The following SNW1 variants were observed in gnomAD, a reference collection of about 807,000 sequenced individuals.
The protein encoded by SNW1 is SNW domain-containing protein 1.
In SNW1, 9 loss-of-function variants were observed where a neutral mutation model predicts 75.6. The observed-to-expected ratio is 0.12, with a 90% confidence interval of 0.07 to 0.21. The LOEUF is 0.21. Among genes scored for constraint, SNW1 ranks in the 10% least tolerant of loss-of-function variants. The pLI is 1.00. For synonymous variants in SNW1, 200 were observed against 219.1 expected (o/e 0.91, Z 0.77); for missense variants, 409 against 670.9 (o/e 0.61, Z 4.31).
At position 77,723,040 on chromosome 14, in the gene SNW1, G is replaced by T. The variant is rs2080555706; in HGVS notation, c.1130+141C>A. 4.5e-6 allele frequency: 3 copies of T among 672,246 alleles called. No individual in the cohort carries two copies. The Admixed American group carries it at 6.6e-5, about 15-fold the overall frequency. 41.6% of individuals were successfully genotyped at this position (672,246 alleles called of 1,614,324 possible). A position where few individuals can be genotyped will look rare whatever the true frequency, so the allele number is the denominator to read the frequency against. ...TTTTTTGTACTTTTAGTAGACACAG[G>T]GTTTCATCGTGTTAGCCAGGATGGT... On this transcript the variant is annotated intron_variant, in intron 11 of 13. Coordinates refer to ENST00000261531, the MANE Select transcript of SNW1 (RefSeq NM_012245.3).
At chr14:77,730,727 A>G in intron 10 of SNW1, 1 of 333,832 alleles carries the variant, frequency 3.0e-6, no homozygotes, top group Non-Finnish European at 5.4e-6. Flanking sequence ...TCATTTGAGT[A>G]ATAATGCAAT....
rs565631331 is a variant in SNW1 at position 77,717,701 on chromosome 14, T to G, written c.*387A>C. The G allele has an allele frequency of 4.1e-6, 3 of 725,742 alleles. No homozygotes were observed. Among genetic ancestry groups the G allele is most frequent in the South Asian group, 1.8e-5 (1 of 54,890 alleles). The allele number at this position is 725,742 out of a possible 1,614,324, so 45.0% of individuals were successfully genotyped here. A position where few individuals can be genotyped will look rare whatever the true frequency, so the allele number is the denominator to read the frequency against. On this transcript the variant is annotated 3_prime_UTR_variant, in exon 14 of 14. Transcript: ENST00000261531. ...GAGCACAATAGGGGCAAAATTTATT[T>G]GGCAGGACAGTTCCAGTATGTGAAC...
chr14:77,760,948 C>G (rs2139942511), intron 1 of SNW1, 166 bp downstream of exon 1: 9 of 1,504,264 alleles, frequency 6.0e-6, no homozygotes, highest in Non-Finnish European at 8.3e-6. Flanking sequence ...CCAGCTTCGA[C>G]TAGGCCTAGT....
Position 77,718,355 on chromosome 14 carries a change from A to G in SNW1, c.1412+12T>C. 2 of 1,614,244 alleles carry G rather than the reference A, an allele frequency of 1.2e-6. No homozygotes were observed. The highest frequency in any genetic ancestry group is 1.7e-6 in the Non-Finnish European group (2 of 1,180,048). The stretch of plus-strand genomic sequence containing the variant: ...AGTGTAAACACTGAAATTGAGTTGT[A>G]TGGCTTGGCACCTGTTGGTCTTTAT... On this transcript the variant is annotated intron_variant, in intron 13 of 13. Coordinates refer to ENST00000261531, the MANE Select transcript of SNW1 (RefSeq NM_012245.3).
intron 3 of SNW1, among the ~76,000 whole-genome samples, chr14:77,747,327 C>G (rs1025148382): frequency 6.6e-6 from 1 of 152,186 alleles, no homozygotes; most frequent in Non-Finnish European, 1.5e-5. Context: ...GCAGCCTCTG[C>G]CCGGCCGCCA....
chr14:77,750,453 A>G (rs960791009), intron 3 of SNW1, among the ~76,000 whole-genome samples: 1 of 152,112 alleles, frequency 6.6e-6, no homozygotes, highest in Admixed American at 6.6e-5. Context: ...GGAGATATAA[A>G]TCTGCATGAT....
intron 10 of SNW1, among the ~76,000 whole-genome samples, chr14:77,726,830 T>G (rs1189177180): frequency 6.6e-6 from 1 of 151,900 alleles, no homozygotes; most frequent in Non-Finnish European, 1.5e-5. Context: ...AAAAAAACCT[T>G]TATTCCTAGG....
intron 7 of SNW1, 56 bp from the exon 8 acceptor site, chr14:77,735,068 C>A: frequency 7.8e-7 from 1 of 1,283,664 alleles, no homozygotes; most frequent in Non-Finnish European, 1.1e-6. Flanking sequence ...CAAAGTAAAT[C>A]TAAGTATAAT....
At chr14:77,756,688 G>A (rs1383021467) in intron 1 of SNW1, among the ~76,000 whole-genome samples, 1 of 152,002 alleles carries the variant, frequency 6.6e-6, no homozygotes, top group Non-Finnish European at 1.5e-5. Context: ...GATCAAGACC[G>A]GCCTGATCAA....
At chr14:77,738,662 T>C (rs1270872723) in intron 5 of SNW1, 116 bp downstream of exon 5, 1 of 711,812 alleles carries the variant, frequency 1.4e-6, no homozygotes, top group Admixed American at 2.7e-5. Flanking sequence ...CTTTGAGTCA[T>C]TATTGAAAAC....
chr14:77,739,748 T>C (rs898346939), intron 3 of SNW1, among the ~76,000 whole-genome samples: 2 of 152,190 alleles, frequency 1.3e-5, no homozygotes, highest in African/African-American at 4.8e-5. Context: ...TGTGGTAGGC[T>C]CTTAACAAAT....
chr14:77,751,597 C>T, intron 2 of SNW1, 117 bp from the exon 3 acceptor site: 1 of 715,644 alleles, frequency 1.4e-6, no homozygotes, highest in Non-Finnish European at 2.1e-6. Context: ...AGAGATACAG[C>T]AGAGTTCCCT....
intron 10 of SNW1, among the ~76,000 whole-genome samples, chr14:77,730,336 A>C (rs2080618513): frequency 6.6e-6 from 1 of 152,086 alleles, no homozygotes. Context: ...CCATCCCCCT[A>C]CCCACTGTCT....
chr14:77,718,798 G>A lies in SNW1; in HGVS notation c.1249-268C>T, dbSNP rs187427999. Among the ~76,000 whole-genome samples, 249 of 149,300 alleles carry A rather than the reference G, an allele frequency of 1.7e-3. 1 individual carries two copies. The highest frequency in any genetic ancestry group is 5.7e-3 in the African/African-American group (229 of 40,446). ...GTGATCTTGGCTCACTGCAGCCACC[G>A]CCTCCCAGTTCCAGTGATCCTCCTG... is the stretch of plus-strand genomic sequence containing the variant. On this transcript the variant is annotated intron_variant, in intron 12 of 13. Coordinates refer to ENST00000261531, the MANE Select transcript of SNW1 (RefSeq NM_012245.3).
chr14:77,757,729 T>C (rs1477825416), intron 1 of SNW1, among the ~76,000 whole-genome samples: 1 of 152,222 alleles, frequency 6.6e-6, no homozygotes, highest in Non-Finnish European at 1.5e-5. Flanking sequence ...CGCCTTATGC[T>C]TCTTTCATCC....
intron 3 of SNW1, among the ~76,000 whole-genome samples, chr14:77,750,954 G>A (rs1311430885): frequency 6.6e-6 from 1 of 152,180 alleles, no homozygotes; most frequent in East Asian, 1.9e-4. Flanking sequence ...AAAACTAGAA[G>A]AAACTACAGG....
At chr14:77,752,393 G>GT (rs915690832) in intron 2 of SNW1, among the ~76,000 whole-genome samples, 2 of 152,068 alleles carry the variant, frequency 1.3e-5, no homozygotes, top group African/African-American at 4.8e-5. Flanking sequence ...TTTTAAAAAG[G>GT]TTTATCAAAT....
chr14:77,736,936 T>C (rs945037970), intron 6 of SNW1, 35 bp downstream of exon 6: 18 of 1,391,454 alleles, frequency 1.3e-5, no homozygotes, highest in African/African-American at 8.5e-5. Context: ...ATCCATGTTA[T>C]TGTGTGTATT....
intron 3 of SNW1, among the ~76,000 whole-genome samples, chr14:77,748,712 C>T (rs767155025): frequency 1.4e-4 from 21 of 151,834 alleles, no homozygotes; most frequent in Non-Finnish European, 2.2e-4. Flanking sequence ...CTCAGCCTCC[C>T]GAGTAGCTGG....
Sources: gnomAD v4.1 joint callset for allele counts (sites outside exome capture counted in the v4.1 genomes callset) on GRCh38, gnomAD v4.1.1 for gene constraint, MANE v1.5 for transcripts, NCBI Gene and HGNC (gene_info 2026-07-23, HGNC 2026-07-21) for gene names.